MPZL3: variants seen among roughly 807,000 people sequenced by gnomAD.
MPZL3 encodes the protein myelin protein zero-like protein 3.
MPZL3 carries 23 observed loss-of-function variants against 24.8 expected under a neutral mutation model. The ratio of observed to expected loss-of-function variants is 0.93; its 90% CI spans 0.67 to 1.31. MPZL3 has a LOEUF of 1.31. Ranked by LOEUF, MPZL3 falls within the 40% of genes most tolerant of loss-of-function variation. The probability of loss-of-function intolerance (pLI) is 0.00; values close to 1 mark genes in which losing one functional copy is unlikely to be tolerated. For missense variants in MPZL3, 277 were observed against 294.9 expected (o/e 0.94, Z 0.44); for synonymous variants, 99 against 106.5 (o/e 0.93, Z 0.44).
intron 5 of MPZL3, among the ~76,000 whole-genome samples, chr11:118,232,616 T>A (rs1170408797): frequency 1.3e-5 from 2 of 152,142 alleles, no homozygotes; most frequent in South Asian, 2.1e-4. Context: ...AATAACCGTA[T>A]GAACATTAAC....
Position 118,229,599 on chromosome 11 carries a change from GATGA to G in MPZL3, c.*291_*294del. ...AACATGTAATACATTCCAGAGCAAA[GATGA>G]ATCAAAAAGTATCTTTTTGCTCAGG... On this transcript the variant is annotated 3_prime_UTR_variant, in exon 6 of 6. Transcript: ENST00000278949. The G allele has an allele frequency of 3.4e-6, 1 of 293,110 alleles. No individual in the cohort carries two copies. Among genetic ancestry groups the G allele is most frequent in the Non-Finnish European group, 6.3e-6 (1 of 157,562 alleles). The allele number at this position is 293,110 out of a possible 1,614,324, so 18.2% of individuals were successfully genotyped here.
chr11:118,251,198 T>C (rs1949616717), intron 1 of MPZL3, among the ~76,000 whole-genome samples: 2 of 151,806 alleles, frequency 1.3e-5, no homozygotes, highest in African/African-American at 2.4e-5. Flanking sequence ...GTAATTTAGC[T>C]TAAAAACTGG....
rs1194231781 is a variant in MPZL3 at position 118,227,267 on chromosome 11, C to G, written c.*2627G>C. ...AATTCTGGAAGGCTTTTAACCCCTTCTGAACTAAGTTCCCTTTCTAAACGA... is the reference window on the plus strand; with the variant it reads ...AATTCTGGAAGGCTTTTAACCCCTTGTGAACTAAGTTCCCTTTCTAAACGA... On this transcript the variant is annotated 3_prime_UTR_variant, in exon 6 of 6. Transcript: ENST00000278949. 1 of 152,236 alleles carries G rather than the reference C, an allele frequency of 6.6e-6. No individual in the cohort carries two copies. The highest frequency in any genetic ancestry group is 1.5e-5 in the Non-Finnish European group (1 of 68,050). The allele number at this position is 152,236 out of a possible 1,614,324, so 9.4% of individuals were successfully genotyped here.
At chr11:118,246,899 G>A (rs17092740) in intron 1 of MPZL3, among the ~76,000 whole-genome samples, 63,394 of 151,880 alleles carry the variant, frequency 0.42, 15,106 homozygotes, top group South Asian at 0.72. Flanking sequence ...GCCACTTTTC[G>A]AAGGGACTTT....
At chr11:118,238,552 C>G (rs751224369) in intron 2 of MPZL3, among the ~76,000 whole-genome samples, 3 of 152,332 alleles carry the variant, frequency 2.0e-5, no homozygotes, top group Non-Finnish European at 2.9e-5. Flanking sequence ...AGGCTTTCCT[C>G]TTTCTTTGTT....
intron 1 of MPZL3, among the ~76,000 whole-genome samples, chr11:118,241,065 T>C (rs1949492045): frequency 6.6e-6 from 1 of 152,144 alleles, no homozygotes; most frequent in Non-Finnish European, 1.5e-5. Context: ...AAGGTACCAT[T>C]TTAAAACCCA....
At chr11:118,236,331 GAGGAAGGGAAGGAGAA>G (rs569430477) in intron 3 of MPZL3, among the ~76,000 whole-genome samples, 20 of 151,974 alleles carry the variant, frequency 1.3e-4, no homozygotes, top group Non-Finnish European at 2.5e-4. Context: ...GACAGGGAGA[GAGGAAGGGAAGGAGAA>G]AGGAAGGGAA....
chr11:118,236,100 C>T (rs1330702317), intron 3 of MPZL3, among the ~76,000 whole-genome samples: 3 of 152,070 alleles, frequency 2.0e-5, no homozygotes, highest in Non-Finnish European at 4.4e-5. Flanking sequence ...AGCTCTAATT[C>T]CTTAAGATGA....
intron 5 of MPZL3, among the ~76,000 whole-genome samples, chr11:118,230,874 G>A (rs995446213): frequency 4.6e-5 from 7 of 152,054 alleles, no homozygotes; most frequent in African/African-American, 1.7e-4. Flanking sequence ...ACTAGATCCT[G>A]GCATTACACC....
intron 1 of MPZL3, among the ~76,000 whole-genome samples, chr11:118,251,653 TAA>T (rs569576779): frequency 2.0e-5 from 3 of 152,176 alleles, no homozygotes; most frequent in Non-Finnish European, 2.9e-5. Flanking sequence ...TTTCTTGTAT[TAA>T]AAAAAGTTAT....
chr11:118,239,325 T>C (rs1174345753), intron 2 of MPZL3, among the ~76,000 whole-genome samples: 1 of 152,214 alleles, frequency 6.6e-6, no homozygotes, highest in Non-Finnish European at 1.5e-5. Flanking sequence ...AGCCTCAAGC[T>C]ATGTGGCATT....
chr11:118,240,463 C>A, intron 1 of MPZL3, 86 bp from the exon 2 acceptor site: 2 of 1,375,044 alleles, frequency 1.5e-6, no homozygotes, highest in Middle Eastern at 2.0e-4. Flanking sequence ...TTAGAGCCCT[C>A]ATCAAAAAGC....
Position 118,227,191 on chromosome 11 carries a change from TA to T in MPZL3, c.*2702del, listed in dbSNP as rs1290629249. 2.0e-5 allele frequency: 3 copies of T among 152,198 alleles called. No homozygotes were observed. The highest frequency in any genetic ancestry group is 7.2e-5 in the African/African-American group (3 of 41,454). The allele number at this position is 152,198 out of a possible 1,614,324, so 9.4% of individuals were successfully genotyped here. On this transcript the variant is annotated 3_prime_UTR_variant, in exon 6 of 6. Coordinates refer to ENST00000278949, the MANE Select transcript of MPZL3 (RefSeq NM_198275.3). ...GTAATAGAATTAAGAGCGTAATGCA[TA>T]AAACTTAAAGTCATGTAACCACATG...
At chr11:118,231,424 T>C (rs1949349574) in intron 5 of MPZL3, among the ~76,000 whole-genome samples, 2 of 151,544 alleles carry the variant, frequency 1.3e-5, no homozygotes, top group Non-Finnish European at 2.9e-5. Flanking sequence ...TTCTGTCCTC[T>C]GACCCCTTCC....
At chr11:118,251,141 G>A (rs1423494545) in intron 1 of MPZL3, among the ~76,000 whole-genome samples, 2 of 149,284 alleles carry the variant, frequency 1.3e-5, no homozygotes, top group Non-Finnish European at 3.0e-5. Context: ...GAGAGGACTG[G>A]GTTTATTAGG....
chr11:118,238,599 C>A (rs1400766807), intron 2 of MPZL3, among the ~76,000 whole-genome samples: 2 of 152,246 alleles, frequency 1.3e-5, no homozygotes, highest in African/African-American at 4.8e-5. Flanking sequence ...TGGGTGTTTA[C>A]AACCACTGAA....
intron 5 of MPZL3, among the ~76,000 whole-genome samples, chr11:118,232,444 G>A (rs1357465639): frequency 1.3e-5 from 2 of 151,570 alleles, no homozygotes; most frequent in Non-Finnish European, 2.9e-5. Flanking sequence ...AGTCTTAGAG[G>A]ATGAGAAAGT....
rs1949325290 is a variant in MPZL3 at position 118,229,769 on chromosome 11, G to T, written c.*125C>A. ...AGTGGTTCCTAAAGTCTTTACTGAT[G>T]ATCTCCAGGATTGTCCATCGCTATG... On this transcript the variant is annotated 3_prime_UTR_variant, in exon 6 of 6. Transcript: ENST00000278949. 1.3e-6 allele frequency: 1 copy of T among 796,840 alleles called. No individual in the cohort carries two copies. The highest frequency in any genetic ancestry group is 2.0e-6 in the Non-Finnish European group (1 of 488,356). The allele number at this position is 796,840 out of a possible 1,614,324, so 49.4% of individuals were successfully genotyped here. A position where few individuals can be genotyped will look rare whatever the true frequency, so the allele number is the denominator to read the frequency against.
intron 1 of MPZL3, among the ~76,000 whole-genome samples, chr11:118,251,389 T>A (rs1949618476): frequency 6.6e-6 from 1 of 151,958 alleles, no homozygotes; most frequent in Admixed American, 6.6e-5. Flanking sequence ...CCCATTACCC[T>A]CAAGGAAATT....
Sources: allele counts gnomAD v4.1 joint callset (sites outside exome capture counted in the v4.1 genomes callset), GRCh38; gene constraint gnomAD v4.1.1; transcripts MANE v1.5; gene names NCBI Gene and HGNC (gene_info 2026-07-23, HGNC 2026-07-21).